Variants in CACNB2 observed in about 807,000 individuals in gnomAD.
CACNB2 encodes the protein calcium voltage-gated channel auxiliary subunit beta 2, also known as voltage-dependent L-type calcium channel subunit beta-2.
CACNB2 carries 42 observed loss-of-function variants against 73.3 expected under a neutral mutation model. The ratio of observed to expected loss-of-function variants is 0.57; its 90% CI spans 0.45 to 0.74. The LOEUF (loss-of-function observed/expected upper bound fraction) is 0.74, where lower values mean the gene tolerates loss of function less well. Ranked by LOEUF, CACNB2 falls within the 30% of genes least tolerant of loss-of-function variation. The pLI is 0.00. For missense variants in CACNB2, 940 were observed against 853.0 expected, an observed-to-expected ratio of 1.10 and a Z score of -1.27; for synonymous variants, 348 against 310.3, an observed-to-expected ratio of 1.12 and a Z score of -1.28.
At chr10:18,379,271 G>A (rs930865060) in intron 2 of CACNB2, among the ~76,000 whole-genome samples, 10 of 152,004 alleles carry the variant, frequency 6.6e-5, no homozygotes, top group African/African-American at 1.2e-4. Context: ...GGAATGCAGC[G>A]GTGTGATCTT....
chr10:18,360,820 A>G (rs578035973), intron 2 of CACNB2, among the ~76,000 whole-genome samples: 2 of 152,320 alleles, frequency 1.3e-5, no homozygotes, highest in Non-Finnish European at 2.9e-5. Context: ...GGAGCAGAAC[A>G]GGACTGTCTG....
chr10:18,203,792 A>T (rs925465446), intron 2 of CACNB2, among the ~76,000 whole-genome samples: 4 of 152,242 alleles, frequency 2.6e-5, no homozygotes, highest in African/African-American at 4.8e-5. Flanking sequence ...GAATAAAAAA[A>T]AAGATACTAA....
At chr10:18,236,651 CAT>C (rs1269319922) in intron 2 of CACNB2, among the ~76,000 whole-genome samples, 2 of 152,106 alleles carry the variant, frequency 1.3e-5, no homozygotes, top group East Asian at 3.9e-4. Context: ...TACCAGAAGA[CAT>C]GTGTTTGTGT....
chr10:18,500,695 A>C (rs2050146931), intron 4 of CACNB2, 117 bp from the exon 5 acceptor site: 1 of 1,030,900 alleles, frequency 9.7e-7, no homozygotes, highest in African/African-American at 1.6e-5. Context: ...TTGAATGATA[A>C]TATTTAAGGC....
intron 2 of CACNB2, among the ~76,000 whole-genome samples, chr10:18,233,469 C>T (rs1174593611): frequency 6.6e-6 from 1 of 151,638 alleles, no homozygotes; most frequent in African/African-American, 2.4e-5. Flanking sequence ...CTCTCTATTG[C>T]TCTGCTAGCT....
Position 18,539,798 on chromosome 10 carries a change from C to G in CACNB2, c.*74C>G. 5.7e-6 allele frequency: 7 copies of G among 1,219,744 alleles called. No homozygotes were observed. The Admixed American group carries it at 1.1e-4, about 18-fold the overall frequency. The allele number at this position is 1,219,744 out of a possible 1,614,324, so 75.6% of individuals were successfully genotyped here. A position where few individuals can be genotyped will look rare whatever the true frequency, so the allele number is the denominator to read the frequency against. On this transcript the variant is annotated 3_prime_UTR_variant, in exon 14 of 14. Coordinates refer to ENST00000324631, the MANE Select transcript of CACNB2 (RefSeq NM_201596.3). The stretch of plus-strand genomic sequence containing the variant: ...ACTAACAGCATCCCCAAAACAAAGT[C>G]TTTGGGGTCTACACTGCAATCATAT...
intron 3 of CACNB2, among the ~76,000 whole-genome samples, chr10:18,444,101 T>C (rs1397298623): frequency 6.6e-6 from 1 of 152,146 alleles, no homozygotes; most frequent in African/African-American, 2.4e-5. Flanking sequence ...GTGGTCTAAA[T>C]GTTCGTGTCC....
At chr10:18,511,695 T>C (rs185399449) in intron 6 of CACNB2, among the ~76,000 whole-genome samples, 7 of 152,330 alleles carry the variant, frequency 4.6e-5, no homozygotes, top group Admixed American at 4.6e-4. Context: ...AATAATTTTC[T>C]AGCTAGTCCA....
At chr10:18,162,874 C>T (rs543886871) in intron 2 of CACNB2, among the ~76,000 whole-genome samples, 4 of 152,218 alleles carry the variant, frequency 2.6e-5, no homozygotes, top group South Asian at 2.1e-4. Context: ...GCACACTGAT[C>T]GCAACATTGA....
intron 2 of CACNB2, among the ~76,000 whole-genome samples, chr10:18,295,877 G>A (rs1804415801): frequency 6.6e-6 from 1 of 151,954 alleles, no homozygotes; most frequent in African/African-American, 2.4e-5. Flanking sequence ...ACTCATTTTT[G>A]AAGGGGAAAA....
intron 2 of CACNB2, among the ~76,000 whole-genome samples, chr10:18,265,452 A>G (rs966783405): frequency 2.6e-5 from 4 of 152,148 alleles, no homozygotes; most frequent in Admixed American, 6.5e-5. Context: ...TTCTTTTGTG[A>G]AGTACCTGTT....
At chr10:18,503,079 T>C (rs1250414900) in intron 5 of CACNB2, among the ~76,000 whole-genome samples, 1 of 152,212 alleles carries the variant, frequency 6.6e-6, no homozygotes, top group Non-Finnish European at 1.5e-5. Context: ...CCAACATACA[T>C]ATAATGCATA....
At chr10:18,166,084 T>C (rs1301002803) in intron 2 of CACNB2, among the ~76,000 whole-genome samples, 2 of 152,198 alleles carry the variant, frequency 1.3e-5, no homozygotes, top group African/African-American at 4.8e-5. Flanking sequence ...TCTGTTTCCT[T>C]CTATGGATGT....
intron 2 of CACNB2, among the ~76,000 whole-genome samples, chr10:18,314,892 C>G (rs1169162185): frequency 6.6e-6 from 1 of 152,208 alleles, no homozygotes; most frequent in Non-Finnish European, 1.5e-5. Flanking sequence ...AACTTACTAA[C>G]TCAGAAAAAC....
chr10:18,430,019 G>C (rs1278138759), intron 3 of CACNB2, among the ~76,000 whole-genome samples: 1 of 151,608 alleles, frequency 6.6e-6, no homozygotes, highest in Non-Finnish European at 1.5e-5. Context: ...TCCATTGCCA[G>C]AATTCGCAGA....
intron 2 of CACNB2, among the ~76,000 whole-genome samples, chr10:18,212,727 C>T (rs568092711): frequency 6.6e-6 from 1 of 152,156 alleles, no homozygotes; most frequent in Admixed American, 6.5e-5. Context: ...GCAAGTGCAA[C>T]CCTGTCATAT....
At chr10:18,240,147 C>G (rs11597670) in intron 2 of CACNB2, among the ~76,000 whole-genome samples, 8,266 of 152,210 alleles carry the variant, frequency 0.054, 379 homozygotes, top group African/African-American at 0.12. Context: ...ACTAGCATAA[C>G]AAAAACTATG....
chr10:18,272,612 C>T (rs1738149086), intron 2 of CACNB2, among the ~76,000 whole-genome samples: 1 of 151,964 alleles, frequency 6.6e-6, no homozygotes, highest in South Asian at 2.1e-4. Flanking sequence ...ATCATGGGGG[C>T]AGATTTTTCT....
intron 2 of CACNB2, among the ~76,000 whole-genome samples, chr10:18,338,978 G>T (rs1030457355): frequency 1.3e-5 from 2 of 151,892 alleles, no homozygotes; most frequent in African/African-American, 4.8e-5. Flanking sequence ...GGGCTCAAAT[G>T]ATCCTCCCAC....
Sources: gnomAD v4.1 joint callset for allele counts (sites outside exome capture counted in the v4.1 genomes callset) on GRCh38, gnomAD v4.1.1 for gene constraint, MANE v1.5 for transcripts, NCBI Gene and HGNC (gene_info 2026-07-23, HGNC 2026-07-21) for gene names.